The following ARHGAP15 variants were observed in gnomAD, a reference collection of about 807,000 sequenced individuals.
The protein encoded by ARHGAP15 is Rho GTPase activating protein 15.
In ARHGAP15, 51 loss-of-function variants were observed where a neutral mutation model predicts 63.7. The observed-to-expected ratio is 0.80, with a 90% confidence interval of 0.64 to 1.01. The LOEUF (loss-of-function observed/expected upper bound fraction) is 1.01. Ranked by LOEUF, ARHGAP15 falls within the 50% of genes least tolerant of loss-of-function variation. ARHGAP15 has a pLI of 0.00. For synonymous variants in ARHGAP15, 191 were observed against 193.8 expected, an observed-to-expected ratio of 0.99 and a Z score of 0.12; for missense variants, 560 against 564.6, an observed-to-expected ratio of 0.99 and a Z score of 0.08.
intron 9 of ARHGAP15, among the ~76,000 whole-genome samples, chr2:143,508,859 C>A (rs1693441598): frequency 6.6e-6 from 1 of 152,144 alleles, no homozygotes; most frequent in South Asian, 2.1e-4. Flanking sequence ...AGTTTAGGAG[C>A]TGAAAACGAG....
At chr2:143,382,395 G>A (rs1020720533) in intron 6 of ARHGAP15, among the ~76,000 whole-genome samples, 2 of 152,104 alleles carry the variant, frequency 1.3e-5, no homozygotes, top group African/African-American at 4.8e-5. Flanking sequence ...AGTCCTTGGT[G>A]TGCAGCTGGA....
At chr2:143,574,195 G>T (rs1696574877) in intron 11 of ARHGAP15, among the ~76,000 whole-genome samples, 1 of 152,040 alleles carries the variant, frequency 6.6e-6, no homozygotes, top group East Asian at 1.9e-4. Flanking sequence ...TTAGAGTTTG[G>T]AATCATCTCG....
At chr2:143,631,311 C>A (rs1479296405) in intron 12 of ARHGAP15, among the ~76,000 whole-genome samples, 1 of 152,042 alleles carries the variant, frequency 6.6e-6, no homozygotes, top group Admixed American at 6.6e-5. Context: ...TTTGTGTGGA[C>A]AAATGCTTTT....
At chr2:143,367,732 T>C (rs1289069535) in intron 6 of ARHGAP15, among the ~76,000 whole-genome samples, 1 of 152,002 alleles carries the variant, frequency 6.6e-6, no homozygotes, top group Non-Finnish European at 1.5e-5. Context: ...AATTCATGCT[T>C]CATGTGTTAT....
intron 12 of ARHGAP15, among the ~76,000 whole-genome samples, chr2:143,679,187 T>G (rs1203908752): frequency 5.3e-5 from 8 of 152,130 alleles, no homozygotes; most frequent in African/African-American, 1.9e-4. Flanking sequence ...TCAAAAATCC[T>G]GGGATTCGGC....
chr2:143,482,953 C>T lies in ARHGAP15; in HGVS notation c.704-4420C>T, dbSNP rs116316560. On this transcript the variant is annotated intron_variant, in intron 8 of 13. Transcript: ENST00000295095. ...CTTGTCATCTGAGGACAATTATTTACGGCATCAGGAAATGGAAGTTGACGT... is the reference window on the plus strand; with the variant it reads ...CTTGTCATCTGAGGACAATTATTTATGGCATCAGGAAATGGAAGTTGACGT... 4.0e-3 allele frequency among the ~76,000 whole-genome samples: 607 copies of T among 152,252 alleles called. 6 individuals are homozygous for T. The highest frequency in any genetic ancestry group is 0.014 in the African/African-American group (564 of 41,542).
rs1687690693 is a variant in ARHGAP15 at position 143,394,850 on chromosome 2, A to G, written c.475-40751A>G. Among the ~76,000 whole-genome samples the G allele has an allele frequency of 2.0e-5, 3 of 152,300 alleles. No homozygotes were observed. The South Asian group carries it at 6.2e-4, about 32-fold the overall frequency. On this transcript the variant is annotated intron_variant, in intron 6 of 13. Transcript: ENST00000295095. ...AGAGCAATGAGACAGTTTATTGATC[A>G]GCTGATTATCTTGCTATGTCTTATG...
At chr2:143,316,957 T>A (rs1683747922) in intron 6 of ARHGAP15, among the ~76,000 whole-genome samples, 1 of 152,184 alleles carries the variant, frequency 6.6e-6, no homozygotes. Context: ...TTATAGTTTA[T>A]GTACTTTAGG....
At chr2:143,391,259 G>A (rs1192332436) in intron 6 of ARHGAP15, among the ~76,000 whole-genome samples, 1 of 152,206 alleles carries the variant, frequency 6.6e-6, no homozygotes, top group Non-Finnish European at 1.5e-5. Context: ...TCACCTGGCT[G>A]AGGAAAGGAT....
intron 12 of ARHGAP15, chr2:143,641,193 C>A (rs529805221): frequency 6.6e-6 from 1 of 152,056 alleles, no homozygotes; most frequent in Non-Finnish European, 1.5e-5. Context: ...CAATGCGAAG[C>A]AGCACTGCAT....
intron 13 of ARHGAP15, among the ~76,000 whole-genome samples, chr2:143,708,502 T>G (rs1353426480): frequency 6.6e-6 from 1 of 152,164 alleles, no homozygotes; most frequent in Non-Finnish European, 1.5e-5. Flanking sequence ...AGAGTCCCAG[T>G]GAGACTATTT....
intron 8 of ARHGAP15, among the ~76,000 whole-genome samples, chr2:143,459,342 G>A (rs948798427): frequency 6.6e-6 from 1 of 151,802 alleles, no homozygotes; most frequent in Non-Finnish European, 1.5e-5. Context: ...ATGGGGGGTG[G>A]GGGGAAGGAT....
At chr2:143,289,958 A>G (rs1682307554) in intron 6 of ARHGAP15, among the ~76,000 whole-genome samples, 1 of 152,216 alleles carries the variant, frequency 6.6e-6, no homozygotes, top group Non-Finnish European at 1.5e-5. Flanking sequence ...TCTAAATGAA[A>G]GGACTTTCTT....
At chr2:143,329,692 G>T (rs558485361) in intron 6 of ARHGAP15, among the ~76,000 whole-genome samples, 14 of 152,136 alleles carry the variant, frequency 9.2e-5, no homozygotes, top group African/African-American at 3.4e-4. Context: ...AGTACGTAAA[G>T]TTATATCCAA....
chr2:143,165,960 G>GAGAGAGAAAGAAAGAAAGAA, intron 2 of ARHGAP15, among the ~76,000 whole-genome samples: 1 of 93,648 alleles, frequency 1.1e-5, no homozygotes, highest in East Asian at 2.9e-4. Flanking sequence ...GAAAGAAAGA[G>GAGAGAGAAAGAAAGAAAGAA]AGAAAGAAAG....
intron 11 of ARHGAP15, among the ~76,000 whole-genome samples, chr2:143,606,395 T>C (rs564328472): frequency 2.0e-5 from 3 of 152,342 alleles, no homozygotes; most frequent in African/African-American, 7.2e-5. Context: ...TGTGAGTGCT[T>C]TGTTATCTGT....
At chr2:143,665,019 A>G (rs961500732) in intron 12 of ARHGAP15, among the ~76,000 whole-genome samples, 1 of 152,020 alleles carries the variant, frequency 6.6e-6, no homozygotes, top group African/African-American at 2.4e-5. Context: ...TCCTTCTGAA[A>G]CTATTCCAAT....
In ARHGAP15 at chr2:143,379,703, T is replaced by C. The variant is rs189130052; in HGVS notation, c.475-55898T>C. Among the ~76,000 whole-genome samples, 700 of 152,062 alleles carry C rather than the reference T, an allele frequency of 4.6e-3. 1 individual carries two copies. The highest frequency in any genetic ancestry group is 0.017 in the Middle Eastern group (5 of 294). On this transcript the variant is annotated intron_variant, in intron 6 of 13. Coordinates refer to ENST00000295095, the MANE Select transcript of ARHGAP15 (RefSeq NM_018460.4). The stretch of plus-strand genomic sequence containing the variant: ...AACAACCAAAAGTTGTCATAAAAAT[T>C]AAATTGAAAATAAAGGAATCTGAAA...
chr2:143,461,801 C>G (rs1174537281), intron 8 of ARHGAP15, among the ~76,000 whole-genome samples: 1 of 152,054 alleles, frequency 6.6e-6, no homozygotes, highest in East Asian at 1.9e-4. Context: ...CTTTGCAGTG[C>G]CGTTTTCTGC....
Sources: allele counts gnomAD v4.1 joint callset (sites outside exome capture counted in the v4.1 genomes callset), GRCh38; gene constraint gnomAD v4.1.1; transcripts MANE v1.5; gene names NCBI Gene and HGNC (gene_info 2026-07-23, HGNC 2026-07-21).